Variants in SUMF1 observed in about 807,000 individuals in gnomAD.
The protein encoded by SUMF1 is formylglycine-generating enzyme.
Under a neutral mutation model 47.6 loss-of-function variants are expected in SUMF1, and 48 were observed. That is an observed-to-expected ratio of 1.01 (90% CI 0.80 to 1.28). The LOEUF (loss-of-function observed/expected upper bound fraction) is 1.28. Among genes scored for constraint, SUMF1 ranks in the 50% most tolerant of loss-of-function variants. The pLI, the probability that SUMF1 is intolerant of heterozygous loss-of-function variation, is 0.00. For synonymous variants in SUMF1, 230 were observed against 192.1 expected, an observed-to-expected ratio of 1.20 and a Z score of -1.63; for missense variants, 571 against 485.4, an observed-to-expected ratio of 1.18 and a Z score of -1.66.
intron 7 of SUMF1, among the ~76,000 whole-genome samples, chr3:4,384,174 T>A (rs1161123697): frequency 1.3e-5 from 2 of 152,234 alleles, no homozygotes; most frequent in Non-Finnish European, 2.9e-5. Context: ...AACTGCTTAG[T>A]ATTTCTTAGT....
chr3:4,118,195 C>T (rs74626399), intron 8 of SUMF1, among the ~76,000 whole-genome samples: 2,307 of 152,072 alleles, frequency 0.015, 25 homozygotes, highest in Non-Finnish European at 0.024. Flanking sequence ...ACCATCATCG[C>T]CTCTAGCTTT....
chr3:4,217,591 T>C (rs1325636681), intron 8 of SUMF1, among the ~76,000 whole-genome samples: 1 of 128,644 alleles, frequency 7.8e-6, no homozygotes, highest in East Asian at 2.3e-4. Context: ...CAACATTTTG[T>C]ATATATTTCA....
At chr3:4,258,134 C>G (rs747215929) in intron 8 of SUMF1, among the ~76,000 whole-genome samples, 1 of 148,778 alleles carries the variant, frequency 6.7e-6, no homozygotes, top group Admixed American at 6.7e-5. Context: ...AAGATTTAAA[C>G]GTTAGACCTA....
intron 8 of SUMF1, among the ~76,000 whole-genome samples, chr3:4,265,886 C>T (rs1190472327): frequency 1.3e-5 from 2 of 152,054 alleles, no homozygotes; most frequent in African/African-American, 2.4e-5. Context: ...ATCTTTAATC[C>T]ATCTTGAATT....
intron 8 of SUMF1, among the ~76,000 whole-genome samples, chr3:4,269,800 C>A (rs1306456389): frequency 2.0e-5 from 3 of 152,172 alleles, no homozygotes; most frequent in Non-Finnish European, 4.4e-5. Context: ...AGAAATGCAT[C>A]CCTCTGAGGA....
intron 3 of SUMF1, among the ~76,000 whole-genome samples, chr3:4,440,776 T>A (rs1268323674): frequency 6.6e-6 from 1 of 152,210 alleles, no homozygotes; most frequent in Non-Finnish European, 1.5e-5. Flanking sequence ...AGTCAGGAAT[T>A]TGTTTCCTTA....
intron 8 of SUMF1, among the ~76,000 whole-genome samples, chr3:4,246,733 G>A (rs930587675): frequency 2.6e-5 from 4 of 152,050 alleles, no homozygotes; most frequent in African/African-American, 9.7e-5. Context: ...TTTAGTTGAA[G>A]ATACTTCACT....
chr3:4,104,850 A>G (rs1208979957), intron 8 of SUMF1, among the ~76,000 whole-genome samples: 1 of 152,026 alleles, frequency 6.6e-6, no homozygotes, highest in Non-Finnish European at 1.5e-5. Flanking sequence ...CTTTTACACC[A>G]TAAAATGCAG....
chr3:4,073,398 C>A (rs1692333562), intron 8 of SUMF1, among the ~76,000 whole-genome samples: 1 of 152,058 alleles, frequency 6.6e-6, no homozygotes, highest in Admixed American at 6.6e-5. Context: ...ACTGTAAAGA[C>A]CATCAACTCT....
At chr3:4,189,173 T>C (rs1226615600) in intron 8 of SUMF1, among the ~76,000 whole-genome samples, 1 of 152,118 alleles carries the variant, frequency 6.6e-6, no homozygotes, top group East Asian at 1.9e-4. Context: ...AAGCTGGGGA[T>C]TTTTTGTATT....
At chr3:4,248,079 A>T (rs2125005369) in intron 8 of SUMF1, among the ~76,000 whole-genome samples, 1 of 152,350 alleles carries the variant, frequency 6.6e-6, no homozygotes, top group East Asian at 1.9e-4. Context: ...TTTTGATATT[A>T]CTAGTATTAA....
At chr3:4,318,811 G>C (rs374620110) in intron 8 of SUMF1, among the ~76,000 whole-genome samples, 1 of 152,112 alleles carries the variant, frequency 6.6e-6, no homozygotes, top group African/African-American at 2.4e-5. Context: ...CTGAGGCTGA[G>C]GCAGGAGAAT....
intron 8 of SUMF1, chr3:4,317,044 A>G: frequency 5.2e-6 from 8 of 1,549,270 alleles, no homozygotes; most frequent in Non-Finnish European, 7.0e-6. Flanking sequence ...TATTCACCTG[A>G]CCTCTTGCCA....
intron 6 of SUMF1, among the ~76,000 whole-genome samples, chr3:4,411,323 C>A (rs1203931123): frequency 6.6e-6 from 1 of 152,058 alleles, no homozygotes; most frequent in Non-Finnish European, 1.5e-5. Flanking sequence ...CTTTCAAAAT[C>A]ATTCACAGGA....
At chr3:4,384,547 A>G (rs577995993) in intron 7 of SUMF1, among the ~76,000 whole-genome samples, 1 of 152,202 alleles carries the variant, frequency 6.6e-6, no homozygotes, top group Non-Finnish European at 1.5e-5. Flanking sequence ...TGTCATTTCA[A>G]GAATGTTATA....
At chr3:4,071,012 T>G (rs549590185) in intron 8 of SUMF1, among the ~76,000 whole-genome samples, 41 of 152,216 alleles carry the variant, frequency 2.7e-4, no homozygotes, top group South Asian at 8.3e-4. Flanking sequence ...AGAAGAAGAA[T>G]AAGTTGATTT....
chr3:4,050,771 G>C (rs929151009), intron 9 of SUMF1, among the ~76,000 whole-genome samples: 1 of 138,224 alleles, frequency 7.2e-6, no homozygotes, highest in Non-Finnish European at 1.6e-5. Flanking sequence ...AAAAAAGAAA[G>C]AAAAAAGAAA....
intron 3 of SUMF1, among the ~76,000 whole-genome samples, chr3:4,429,949 A>ACTTTTAAAGGATTTTAAAAGTATG (rs995943233): frequency 2.6e-5 from 4 of 152,232 alleles, no homozygotes; most frequent in African/African-American, 7.2e-5. Flanking sequence ...ACATTTGCAT[A>ACTTTTAAAGGATTTTAAAAGTATG]CTTTTAAAGG....
At chr3:4,083,547 A>T (rs1692610945) in intron 8 of SUMF1, among the ~76,000 whole-genome samples, 1 of 152,082 alleles carries the variant, frequency 6.6e-6, no homozygotes, top group Non-Finnish European at 1.5e-5. Context: ...ACTTTATCTA[A>T]TTCCCCCAAT....
Sources: allele counts gnomAD v4.1 joint callset (sites outside exome capture counted in the v4.1 genomes callset), GRCh38; gene constraint gnomAD v4.1.1; transcripts MANE v1.5; gene names NCBI Gene and HGNC (gene_info 2026-07-23, HGNC 2026-07-21).